The following TESC variants were observed in gnomAD, a reference collection of about 807,000 sequenced individuals.
TESC encodes calcineurin B homologous protein 3.
Under a neutral mutation model 31.0 loss-of-function variants are expected in TESC, and 19 were observed. That is an observed-to-expected ratio of 0.61 (90% CI 0.43 to 0.90). The LOEUF (loss-of-function observed/expected upper bound fraction) is 0.90. Ranked by LOEUF, TESC falls within the 40% of genes least tolerant of loss-of-function variation. TESC has a pLI of 0.00. For missense variants in TESC, 248 were observed against 303.8 expected (o/e 0.82, Z 1.36); for synonymous variants, 109 against 114.8 (o/e 0.95, Z 0.32).
At chr12:117,068,635 C>A (rs1334426159) in intron 2 of TESC, among the ~76,000 whole-genome samples, 1 of 152,172 alleles carries the variant, frequency 6.6e-6, no homozygotes, top group Non-Finnish European at 1.5e-5. Flanking sequence ...TGGGGCTGCA[C>A]GTTGGTGGCA....
At chr12:117,081,936 G>C (rs537833648) in intron 1 of TESC, among the ~76,000 whole-genome samples, 12 of 151,632 alleles carry the variant, frequency 7.9e-5, no homozygotes, top group African/African-American at 2.9e-4. Context: ...GAAGTTGGGG[G>C]AAATGGGCCA....
At chr12:117,039,888 G>A (rs1954456332) in intron 7 of TESC, among the ~76,000 whole-genome samples, 1 of 152,236 alleles carries the variant, frequency 6.6e-6, no homozygotes, top group South Asian at 2.1e-4. Flanking sequence ...GTGCTACAAG[G>A]CCATGTATGT....
intron 1 of TESC, among the ~76,000 whole-genome samples, chr12:117,096,131 C>G (rs550006804): frequency 6.6e-6 from 1 of 152,172 alleles, no homozygotes; most frequent in African/African-American, 2.4e-5. Flanking sequence ...TGTTCATTAT[C>G]ACCAGCCTCA....
Position 117,099,117 on chromosome 12 carries a change from C to A in TESC, c.58+108G>T. On this transcript the variant is annotated intron_variant, in intron 1 of 7. Coordinates refer to ENST00000335209, the MANE Select transcript of TESC (RefSeq NM_017899.4). Reference sequence around the variant, plus strand: ...GGAGGAGACTGAGGCGCAGAGAGGGCCCGCCACTGGCCCAAGGTCACACAG... The same window carrying A: ...GGAGGAGACTGAGGCGCAGAGAGGGACCGCCACTGGCCCAAGGTCACACAG... The A allele has an allele frequency of 2.5e-6, 3 of 1,216,722 alleles. No individual in the cohort carries two copies. The South Asian group carries it at 5.0e-5, about 20-fold the overall frequency. The allele number at this position is 1,216,722 out of a possible 1,614,324, so 75.4% of individuals were successfully genotyped here.
chr12:117,047,010 C>G (rs1298412538), intron 4 of TESC, among the ~76,000 whole-genome samples, 172 bp from the exon 5 acceptor site: 1 of 152,208 alleles, frequency 6.6e-6, no homozygotes, highest in East Asian at 1.9e-4. Context: ...TACTGGGTGA[C>G]CTTGGGCCCG....
intron 5 of TESC, 54 bp downstream of exon 5, chr12:117,046,723 G>T: frequency 6.4e-7 from 1 of 1,553,288 alleles, no homozygotes; most frequent in Non-Finnish European, 8.7e-7. Context: ...GGTCGTGGGG[G>T]GCAGAGGGGG....
intron 6 of TESC, among the ~76,000 whole-genome samples, 158 bp from the exon 7 acceptor site, chr12:117,042,152 C>T (rs1337196347): frequency 1.3e-5 from 2 of 152,210 alleles, no homozygotes; most frequent in African/African-American, 2.4e-5. Context: ...CGTTCTGGAT[C>T]GTCTGCCTCC....
At chr12:117,072,684 G>C (rs548035893) in intron 2 of TESC, among the ~76,000 whole-genome samples, 9 of 152,340 alleles carry the variant, frequency 5.9e-5, no homozygotes, top group Non-Finnish European at 1.0e-4. Context: ...CTGTCTTGAG[G>C]ACAAAGGGGC....
At chr12:117,083,025 T>C (rs545178164) in intron 1 of TESC, among the ~76,000 whole-genome samples, 3 of 151,912 alleles carry the variant, frequency 2.0e-5, no homozygotes, top group Non-Finnish European at 4.4e-5. Context: ...GAAAACAGTT[T>C]GGTAGTTCCT....
chr12:117,064,456 C>T (rs528868803), intron 2 of TESC, among the ~76,000 whole-genome samples: 1 of 152,302 alleles, frequency 6.6e-6, no homozygotes, highest in East Asian at 1.9e-4. Context: ...CCTGTCCCTG[C>T]CCCATGTCAG....
intron 1 of TESC, among the ~76,000 whole-genome samples, chr12:117,076,763 T>C (rs1461157250): frequency 1.3e-5 from 2 of 152,060 alleles, no homozygotes; most frequent in Non-Finnish European, 2.9e-5. Context: ...GTTTTATAAT[T>C]TGAAAACTGC....
At chr12:117,070,412 C>A (rs1358060912) in intron 2 of TESC, among the ~76,000 whole-genome samples, 1 of 152,178 alleles carries the variant, frequency 6.6e-6, no homozygotes, top group Admixed American at 6.5e-5. Context: ...GGTCAGTCAC[C>A]TCCTTCCTGC....
chr12:117,039,312 C>T, intron 7 of TESC, 102 bp from the exon 8 acceptor site: 1 of 1,126,180 alleles, frequency 8.9e-7, no homozygotes, highest in Non-Finnish European at 1.3e-6. Flanking sequence ...TCTCCTGCCA[C>T]CAACTGTGAT....
At chr12:117,086,559 A>G (rs967568967) in intron 1 of TESC, among the ~76,000 whole-genome samples, 9 of 152,122 alleles carry the variant, frequency 5.9e-5, no homozygotes, top group African/African-American at 2.2e-4. Context: ...CAGCCTCCCG[A>G]GTAGCTGGGA....
intron 2 of TESC, among the ~76,000 whole-genome samples, chr12:117,063,442 C>T (rs773210504): frequency 2.6e-5 from 4 of 152,300 alleles, no homozygotes; most frequent in South Asian, 2.1e-4. Flanking sequence ...AAAAAACCAC[C>T]GAGGACTGTG....
intron 6 of TESC, among the ~76,000 whole-genome samples, chr12:117,045,647 C>T (rs76299892): frequency 0.011 from 1,644 of 152,348 alleles, 24 homozygotes; most frequent in African/African-American, 0.037. Flanking sequence ...AGGCCGGTGG[C>T]CTCATGTCCC....
intron 2 of TESC, among the ~76,000 whole-genome samples, chr12:117,072,609 T>A (rs1457811433): frequency 6.6e-6 from 1 of 152,208 alleles, no homozygotes; most frequent in East Asian, 1.9e-4. Context: ...GGATCTAACA[T>A]CAGATGCATA....
intron 4 of TESC, among the ~76,000 whole-genome samples, chr12:117,047,766 G>A (rs1954588857): frequency 6.6e-6 from 1 of 151,740 alleles, no homozygotes; most frequent in Admixed American, 6.6e-5. Flanking sequence ...TTCAGAGATG[G>A]GGTCTCACTC....
rs186063470 is a variant in TESC, at chr12:117,050,648, G to A, written c.210-1490C>T. ...AGGTCTTGGCAGTTGTTAATAGCTCGGAGGCCAGGCGCAATGGCTTACGCC... is the reference window on the plus strand; with the variant it reads ...AGGTCTTGGCAGTTGTTAATAGCTCAGAGGCCAGGCGCAATGGCTTACGCC... On this transcript the variant is annotated intron_variant, in intron 3 of 7. Transcript: ENST00000335209. 5.8e-3 allele frequency among the ~76,000 whole-genome samples: 887 copies of A among 152,342 alleles called. 10 individuals carry two copies. Among genetic ancestry groups the A allele is most frequent in the African/African-American group, 0.02 (844 of 41,580 alleles).
Sources: gnomAD v4.1 joint callset for allele counts (sites outside exome capture counted in the v4.1 genomes callset) on GRCh38, gnomAD v4.1.1 for gene constraint, MANE v1.5 for transcripts, NCBI Gene and HGNC (gene_info 2026-07-23, HGNC 2026-07-21) for gene names.